Variants in RGPD3 observed in about 807,000 individuals in gnomAD.
RGPD3 encodes ranBP2-like and GRIP domain-containing protein 3.
In RGPD3, 62 loss-of-function variants were observed where a neutral mutation model predicts 154.5. The ratio of observed to expected loss-of-function variants is 0.40; its 90% CI spans 0.33 to 0.50. RGPD3 has a LOEUF of 0.50. RGPD3 is among the 20% of genes least tolerant of loss of function. The pLI is 0.59. For missense variants in RGPD3, 919 were observed against 1,716.8 expected (o/e 0.54, Z 8.21); for synonymous variants, 308 against 607.0 (o/e 0.51, Z 7.24).
intron 9 of RGPD3, among the ~76,000 whole-genome samples, chr2:106,438,704 C>T (rs1279433681): frequency 1.3e-5 from 2 of 151,648 alleles, no homozygotes; most frequent in East Asian, 1.9e-4. Flanking sequence ...ATTACTTGAA[C>T]CCGGGAGGCA....
At chr2:106,437,511 C>G (rs1178235684) in intron 9 of RGPD3, among the ~76,000 whole-genome samples, 1 of 150,102 alleles carries the variant, frequency 6.7e-6, no homozygotes, top group East Asian at 2.0e-4. Flanking sequence ...GACTCTGTCT[C>G]AAAAAAAAGA....
In RGPD3 at chr2:106,415,920, C is replaced by A. The variant is rs1482323854; in HGVS notation, c.4994G>T (p.Ser1665Ile). The change falls in exon 21 of 23, where the codon AGT (serine) becomes ATT (isoleucine). Residue 1665 changes from serine (S) to isoleucine (I), a missense_variant. Physicochemically the swap from Ser to Ile is moderately radical, Grantham distance 142 (BLOSUM62 -2). Coordinates refer to ENST00000409886, the MANE Select transcript of RGPD3 (RefSeq NM_001144013.2). ...LVQKLSSTTKSADHLNGLLRE... is the reference protein window; with the variant it reads ...LVQKLSSTTKIADHLNGLLRE... Reference sequence around the variant, plus strand: ...AAGCAGGCCGTTTAAGTGATCTGCACTTTTTGTGGTGGAACTGAGCTTCTG... The same window carrying A: ...AAGCAGGCCGTTTAAGTGATCTGCAATTTTTGTGGTGGAACTGAGCTTCTG... The A allele has an allele frequency of 6.2e-7, 1 of 1,611,846 alleles. No homozygotes were observed. Among genetic ancestry groups the A allele is most frequent in the Admixed American group, 1.7e-5 (1 of 59,998 alleles).
chr2:106,469,679 T>TC (rs1678763223), upstream of RGPD3, among the ~76,000 whole-genome samples: 2 of 152,148 alleles, frequency 1.3e-5, no homozygotes, highest in South Asian at 4.1e-4. Context: ...ACATCACTTT[T>TC]CCCCAGCCCA....
intron 22 of RGPD3, among the ~76,000 whole-genome samples, chr2:106,411,645 G>A (rs902509506): frequency 6.6e-6 from 1 of 151,268 alleles, no homozygotes; most frequent in Admixed American, 6.6e-5. Context: ...TGGCCAACAT[G>A]GTGAAACCTC....
At chr2:106,441,155 A>C in intron 8 of RGPD3, 138 bp downstream of exon 8, 1 of 1,005,396 alleles carries the variant, frequency 9.9e-7, no homozygotes, top group Admixed American at 2.8e-5. Flanking sequence ...TTCCATACCT[A>C]TTGCTCTTAA....
At chr2:106,443,747 C>T (rs1343402792) in intron 7 of RGPD3, among the ~76,000 whole-genome samples, 10 of 116,894 alleles carry the variant, frequency 8.6e-5, no homozygotes, top group Admixed American at 6.9e-4. Flanking sequence ...TGCTGCAGTG[C>T]TGCAGTGGCA....
Position 106,468,238 on chromosome 2 carries a change from G to A in RGPD3, c.51C>T (p.Gly17=), listed in dbSNP as rs1678707547. 3 of 1,607,522 alleles carry A rather than the reference G, an allele frequency of 1.9e-6. No individual in the cohort carries two copies. The highest frequency in any genetic ancestry group is 2.5e-6 in the Non-Finnish European group (3 of 1,178,142). The part of the protein sequence containing the change: ...YGERYVASVQ[G]SAPSPRKKST... ...TCACCTTTCGAGGCGACGGGGCGGA[G>A]CCCTGCACCGAGGCGACGTACCGCT... The change falls in exon 1 of 23, where the codon GGC becomes GGT. Residue 17 remains glycine, a synonymous_variant. Transcript: ENST00000409886.
chr2:106,466,244 T>G (rs1678580771), intron 1 of RGPD3, among the ~76,000 whole-genome samples: 1 of 152,036 alleles, frequency 6.6e-6, no homozygotes, highest in Admixed American at 6.5e-5. Context: ...CCAGGACTCT[T>G]CCTGCGCTTG....
At chr2:106,464,340 C>CAAA (rs55851806) in intron 1 of RGPD3, among the ~76,000 whole-genome samples, 1 of 107,346 alleles carries the variant, frequency 9.3e-6, no homozygotes, top group Non-Finnish European at 1.9e-5. Flanking sequence ...GACTCCATCT[C>CAAA]AAAAAAAAAA....
intron 9 of RGPD3, among the ~76,000 whole-genome samples, chr2:106,437,846 G>C (rs1024646804): frequency 6.6e-6 from 1 of 152,102 alleles, no homozygotes; most frequent in African/African-American, 2.4e-5. Flanking sequence ...GACTATGGGA[G>C]AGAATTCATG....
intron 11 of RGPD3, 43 bp from the exon 12 acceptor site, chr2:106,436,289 C>A (rs770691060): frequency 1.9e-6 from 3 of 1,609,908 alleles, no homozygotes; most frequent in Admixed American, 3.4e-5. Flanking sequence ...TCTAAATACA[C>A]AGTTCAGCGC....
intron 20 of RGPD3, among the ~76,000 whole-genome samples, chr2:106,418,453 G>A (rs1157037534): frequency 2.6e-5 from 4 of 151,786 alleles, no homozygotes; most frequent in East Asian, 3.9e-4. Flanking sequence ...CTGCAGCTTC[G>A]TAATTGTTGC....
At chr2:106,462,842 C>T (rs944217351) in intron 1 of RGPD3, among the ~76,000 whole-genome samples, 64 of 150,734 alleles carry the variant, frequency 4.2e-4, no homozygotes, top group African/African-American at 1.4e-3. Context: ...GGGTGAAGGC[C>T]GTGATTATAC....
intron 1 of RGPD3, among the ~76,000 whole-genome samples, chr2:106,465,623 G>T (rs1678548765): frequency 6.7e-6 from 1 of 149,466 alleles, no homozygotes. Flanking sequence ...GCTCACACCT[G>T]TAATCTCAGC....
intron 7 of RGPD3, among the ~76,000 whole-genome samples, chr2:106,445,360 T>G (rs1236551227): frequency 1.3e-5 from 2 of 150,668 alleles, no homozygotes; most frequent in Admixed American, 6.6e-5. Context: ...AACCTTTTAA[T>G]GTTTGTATTA....
rs1206855660 is a variant in RGPD3 at position 106,405,085 on chromosome 2, A to G, written c.*134T>C. 30 of 1,089,228 alleles carry G rather than the reference A, an allele frequency of 2.8e-5. No homozygotes were observed. The highest frequency in any genetic ancestry group is 4.1e-5 in the Non-Finnish European group (30 of 739,774). The allele number at this position is 1,089,228 out of a possible 1,614,324, so 67.5% of individuals were successfully genotyped here. On this transcript the variant is annotated 3_prime_UTR_variant, in exon 23 of 23. Coordinates refer to ENST00000409886, the MANE Select transcript of RGPD3 (RefSeq NM_001144013.2). ...ACATATACACACTTTTTGACAAAAG[A>G]ATGATGGTAATACACATGAACCATT... is the stretch of plus-strand genomic sequence containing the variant.
chr2:106,413,444 G>C (rs976847752), intron 21 of RGPD3, among the ~76,000 whole-genome samples, 159 bp from the exon 22 acceptor site: 31 of 151,882 alleles, frequency 2.0e-4, no homozygotes, highest in Non-Finnish European at 4.4e-4. Flanking sequence ...AGCTGCATGT[G>C]AAGCATTTCA....
intron 18 of RGPD3, among the ~76,000 whole-genome samples, chr2:106,428,825 T>C (rs1295327022): frequency 1.3e-5 from 2 of 148,268 alleles, no homozygotes; most frequent in African/African-American, 5.0e-5. Context: ...CACTGGAGTG[T>C]GAATCTCGGC....
chr2:106,407,397 G>A (rs1676548090), intron 22 of RGPD3, among the ~76,000 whole-genome samples: 1 of 152,140 alleles, frequency 6.6e-6, no homozygotes, highest in Non-Finnish European at 1.5e-5. Context: ...TGAGGGCAAA[G>A]AACTCTGAAA....
Sources: gnomAD v4.1 joint callset for allele counts (sites outside exome capture counted in the v4.1 genomes callset) on GRCh38, gnomAD v4.1.1 for gene constraint, MANE v1.5 for transcripts, NCBI Gene and HGNC (gene_info 2026-07-23, HGNC 2026-07-21) for gene names.